Variants in HKDC1 observed in about 807,000 individuals in gnomAD.
The protein encoded by HKDC1 is hexokinase HKDC1.
Under a neutral mutation model 96.6 loss-of-function variants are expected in HKDC1, and 66 were observed. The observed-to-expected ratio is 0.68, with a 90% confidence interval of 0.56 to 0.84. HKDC1 has a LOEUF of 0.84. Ranked by LOEUF, HKDC1 falls within the 40% of genes least tolerant of loss-of-function variation. The pLI is 0.00. For synonymous variants in HKDC1, 466 were observed against 473.1 expected (o/e 0.98, Z 0.20); for missense variants, 1,211 against 1,208.1 (o/e 1.00, Z -0.04).
intron 16 of HKDC1, among the ~76,000 whole-genome samples, chr10:69,262,734 A>G (rs1365344183): frequency 1.3e-5 from 2 of 152,140 alleles, no homozygotes; most frequent in Admixed American, 6.6e-5. Flanking sequence ...AGCAGCGATT[A>G]TGTATTTTTG....
chr10:69,233,673 C>A (rs544977526), intron 4 of HKDC1, among the ~76,000 whole-genome samples: 1 of 151,686 alleles, frequency 6.6e-6, no homozygotes, highest in Non-Finnish European at 1.5e-5. Flanking sequence ...CCGAGGCGGG[C>A]GGATCATGAG....
intron 1 of HKDC1, among the ~76,000 whole-genome samples, chr10:69,221,248 G>A (rs1028245521): frequency 5.3e-5 from 8 of 152,176 alleles, no homozygotes; most frequent in African/African-American, 1.9e-4. Context: ...GACAGTAATT[G>A]AAATATCTAT....
chr10:69,232,613 T>A, intron 2 of HKDC1, 151 bp from the exon 3 acceptor site: 1 of 723,454 alleles, frequency 1.4e-6, no homozygotes, highest in Non-Finnish European at 2.3e-6. Context: ...CTCTGAGAAA[T>A]GGCCAGAGTC....
At chr10:69,243,638 G>A (rs1474003194) in intron 7 of HKDC1, among the ~76,000 whole-genome samples, 1 of 151,728 alleles carries the variant, frequency 6.6e-6, no homozygotes, top group African/African-American at 2.4e-5. Flanking sequence ...TTGGGACTAC[G>A]GGCATGGGCC....
chr10:69,234,938 A>G (rs571275769), intron 4 of HKDC1, among the ~76,000 whole-genome samples: 2 of 152,202 alleles, frequency 1.3e-5, no homozygotes, highest in Non-Finnish European at 1.5e-5. Context: ...TCATTCTTTT[A>G]TAAAGAAAGG....
At chr10:69,227,864 G>C (rs1372499460) in intron 2 of HKDC1, among the ~76,000 whole-genome samples, 5 of 152,176 alleles carry the variant, frequency 3.3e-5, no homozygotes, top group Admixed American at 2.0e-4. Context: ...GAATGATGTA[G>C]TGGAAATCAC....
At chr10:69,247,791 A>G (rs1005946069) in intron 9 of HKDC1, among the ~76,000 whole-genome samples, 198 bp downstream of exon 9, 4 of 152,222 alleles carry the variant, frequency 2.6e-5, no homozygotes, top group Admixed American at 6.5e-5. Context: ...TTACTCTTAA[A>G]GAAATATTCT....
At chr10:69,254,372 C>G (rs1342409405) in intron 12 of HKDC1, among the ~76,000 whole-genome samples, 3 of 152,092 alleles carry the variant, frequency 2.0e-5, no homozygotes, top group Non-Finnish European at 2.9e-5. Flanking sequence ...CATAAATTTC[C>G]CACTGTGACT....
At chr10:69,221,671 C>A (rs1053765043) in intron 1 of HKDC1, among the ~76,000 whole-genome samples, 2 of 152,134 alleles carry the variant, frequency 1.3e-5, no homozygotes, top group African/African-American at 4.8e-5. Context: ...CGGCTGTAAT[C>A]TGCATACACT....
intron 12 of HKDC1, 77 bp from the exon 13 acceptor site, chr10:69,256,959 G>A: frequency 9.3e-7 from 1 of 1,080,742 alleles, no homozygotes; most frequent in Non-Finnish European, 1.4e-6. Flanking sequence ...ATAGTGCTTT[G>A]CATCTGTTGG....
In HKDC1 at chr10:69,265,778, A is replaced by T. The variant is rs980685211; in HGVS notation, c.2566A>T (p.Thr856Ser). ...EDQGLEHLRITVGVDGTLYKL... is the reference protein window; with the variant it reads ...EDQGLEHLRISVGVDGTLYKL... ...CCAGGGGCTAGAGCACCTGAGGATC[A>T]CTGTGGGTGTGGACGGCACCCTGTA... The change falls in exon 17 of 18, where the codon ACT becomes TCT. Residue 856 changes from threonine to serine, a missense_variant. Transcript: ENST00000354624. The T allele has an allele frequency of 1.2e-6, 2 of 1,613,330 alleles. No individual in the cohort carries two copies. Among genetic ancestry groups the T allele is most frequent in the African/African-American group, 1.3e-5 (1 of 74,894 alleles).
chr10:69,222,779 C>G (rs1029693471), intron 1 of HKDC1: 1 of 152,140 alleles, frequency 6.6e-6, no homozygotes, highest in Admixed American at 6.6e-5. Context: ...AGCAAGTGCC[C>G]CAGGAAGTCT....
Position 69,250,428 on chromosome 10 carries a change from G to C in HKDC1, c.1709G>C (p.Gly570Ala). The change falls in exon 11 of 18, where the codon GGT (glycine) becomes GCT (alanine). Residue 570 changes from glycine to alanine, a missense_variant. Coordinates refer to ENST00000354624, the MANE Select transcript of HKDC1 (RefSeq NM_025130.4). ...CCCCTGGAGATCATGCAGGGCACTG[G>C]TGAGGAGGTAAGTGCCAGGCAAGGC... ...AIPLEIMQGT[G>A]EELFDHIVQC... 3 of 1,613,310 alleles carry C rather than the reference G, an allele frequency of 1.9e-6. No homozygotes were observed. The highest frequency in any genetic ancestry group is 2.5e-6 in the Non-Finnish European group (3 of 1,179,316).
intron 9 of HKDC1, among the ~76,000 whole-genome samples, chr10:69,248,162 T>C (rs1458758971): frequency 1.3e-5 from 2 of 152,178 alleles, no homozygotes; most frequent in Non-Finnish European, 2.9e-5. Context: ...AGAAATGATG[T>C]TCAGCCAATA....
At chr10:69,243,992 G>GA (rs1564731108) in intron 7 of HKDC1, among the ~76,000 whole-genome samples, 2 of 152,040 alleles carry the variant, frequency 1.3e-5, no homozygotes, top group Admixed American at 6.5e-5. Flanking sequence ...CTTGGCCGCA[G>GA]AACACACCTG....
chr10:69,243,480 C>A, intron 7 of HKDC1, 115 bp downstream of exon 7: 158 of 748,498 alleles, frequency 2.1e-4, no homozygotes, highest in Non-Finnish European at 2.7e-4. Flanking sequence ...TCACAACTTT[C>A]TTTCTTTTTT....
chr10:69,261,018 T>C, intron 15 of HKDC1, 121 bp from the exon 16 acceptor site: 1 of 808,998 alleles, frequency 1.2e-6, no homozygotes, highest in Admixed American at 2.2e-5. Flanking sequence ...AAGCAGCTAG[T>C]ATGTGGCAGA....
In HKDC1 at chr10:69,227,315, A is replaced by G. The variant is rs149191020; in HGVS notation, c.172A>G (p.Thr58Ala). ...EKGLAKDTNP[T>A]AAVKMLPTFV... ...GGGCCTGGCAAAGGACACCAACCCC[A>G]CGGCTGCAGTGAAGATGTTGCCCAC... is the stretch of plus-strand genomic sequence containing the variant. Residue 58 changes from threonine to alanine, a missense_variant, in exon 2 of 18, where the codon ACG becomes GCG. Transcript: ENST00000354624. 1.7e-5 allele frequency: 28 copies of G among 1,613,910 alleles called. No homozygotes were observed. The South Asian group carries it at 2.2e-4, about 13-fold the overall frequency.
intron 4 of HKDC1, among the ~76,000 whole-genome samples, chr10:69,238,538 G>A (rs1268825260): frequency 1.2e-5 from 1 of 85,576 alleles, no homozygotes; most frequent in South Asian, 3.4e-4. Context: ...CACCGCGCCC[G>A]GCTAATTTTT....
Sources: allele counts gnomAD v4.1 joint callset (sites outside exome capture counted in the v4.1 genomes callset), GRCh38; gene constraint gnomAD v4.1.1; transcripts MANE v1.5; gene names NCBI Gene and HGNC (gene_info 2026-07-23, HGNC 2026-07-21).